Variants in SON observed in about 807,000 individuals in gnomAD.
The protein encoded by SON is SON DNA and RNA binding protein.
SON carries 4 observed loss-of-function variants against 173.3 expected under a neutral mutation model. That is an observed-to-expected ratio of 0.02 (90% CI 0.01 to 0.05). The LOEUF (loss-of-function observed/expected upper bound fraction) is 0.05. Among genes scored for constraint, SON ranks in the 10% least tolerant of loss-of-function variants. The pLI is 1.00. For missense variants in SON, 2,626 were observed against 3,055.3 expected (o/e 0.86, Z 3.31); for synonymous variants, 1,190 against 1,105.9 (o/e 1.08, Z -1.51).
chr21:33,571,365 C>G (rs913303206), intron 8 of SON, among the ~76,000 whole-genome samples: 3 of 152,164 alleles, frequency 2.0e-5, no homozygotes, highest in Non-Finnish European at 4.4e-5. Context: ...GAAAACCTGT[C>G]AAACGATCAT....
intron 1 of SON, among the ~76,000 whole-genome samples, chr21:33,544,103 G>A (rs560588621): frequency 6.6e-6 from 1 of 152,202 alleles, no homozygotes; most frequent in Admixed American, 6.5e-5. Flanking sequence ...TAAGTGTTCC[G>A]AGTTCAAGTG....
intron 1 of SON, 187 bp downstream of exon 1, chr21:33,543,356 C>T (rs1210845473): frequency 6.5e-6 from 4 of 613,598 alleles, no homozygotes; most frequent in African/African-American, 1.9e-5. Flanking sequence ...CCTTTTCCCT[C>T]GAGGAACTTC....
intron 3 of SON, among the ~76,000 whole-genome samples, chr21:33,556,238 G>A (rs2085963752): frequency 6.6e-6 from 1 of 152,176 alleles, no homozygotes; most frequent in Non-Finnish European, 1.5e-5. Context: ...AATTCCTCAA[G>A]TGATTGCAAG....
rs757738565 is a variant in SON, at chr21:33,553,797, C to T, written c.4566C>T (p.Asp1522=). 5 of 1,613,860 alleles carry T rather than the reference C, an allele frequency of 3.1e-6. No homozygotes were observed. Among genetic ancestry groups the T allele is most frequent in the African/African-American group, 2.7e-5 (2 of 74,904 alleles). The change falls in exon 3 of 12, where the codon GAC becomes GAT. Residue 1522 remains aspartate, a synonymous_variant. Coordinates refer to ENST00000356577, the MANE Select transcript of SON (RefSeq NM_138927.4). ...ATGCTGAGGAACACCTGAAAGGTGA[C>T]TTTTACGAAAGTGAACATGGTATAA... ...EPHAEEHLKG[D]FYESEHGINI... is the part of the protein sequence containing the mutation.
chr21:33,546,170 TATG>T (rs761693573), intron 1 of SON, 40 bp from the exon 2 acceptor site: 5 of 1,504,626 alleles, frequency 3.3e-6, no homozygotes, highest in Non-Finnish European at 2.7e-6. Flanking sequence ...TTATTAATGG[TATG>T]ATAAAATATT....
In SON at chr21:33,577,102, G is replaced by A. The variant is rs2086418836; in HGVS notation, c.*678G>A. 6.4e-6 allele frequency: 1 copy of A among 155,084 alleles called. No individual in the cohort carries two copies. The highest frequency in any genetic ancestry group is 6.3e-5 in the Admixed American group (1 of 15,956). The allele number at this position is 155,084 out of a possible 1,614,324, so 9.6% of individuals were successfully genotyped here. A position where few individuals can be genotyped will look rare whatever the true frequency, so the allele number is the denominator to read the frequency against. On this transcript the variant is annotated 3_prime_UTR_variant, in exon 12 of 12. Coordinates refer to ENST00000356577, the MANE Select transcript of SON (RefSeq NM_138927.4). ...AAAGTGGTATGTTGTGTGATGATCAGCACTAAGTCCTGCATTCCTGTTAAA... is the reference window on the plus strand; with the variant it reads ...AAAGTGGTATGTTGTGTGATGATCAACACTAAGTCCTGCATTCCTGTTAAA...
chr21:33,556,711 C>CAAAAA (rs375685900), intron 3 of SON, among the ~76,000 whole-genome samples: 2 of 102,654 alleles, frequency 1.9e-5, no homozygotes, highest in South Asian at 3.1e-4. Flanking sequence ...GAGACTGTCT[C>CAAAAA]AAAAAAAAAA....
At chr21:33,543,713 G>A (rs925984756) in intron 1 of SON, among the ~76,000 whole-genome samples, 6 of 152,206 alleles carry the variant, frequency 3.9e-5, no homozygotes, top group Admixed American at 3.9e-4. Context: ...TCTGTCAGCC[G>A]TTCTGATAGT....
At chr21:33,560,518 T>C in intron 6 of SON, 1 of 998,080 alleles carries the variant, frequency 1.0e-6, no homozygotes, top group Non-Finnish European at 1.2e-6. Context: ...AAATGCCGCC[T>C]GATTAAATAA....
Position 33,552,971 on chromosome 21 carries a change from C to CT in SON, c.3741dup (p.Val1248CysfsTer27), listed in dbSNP as rs764750011. The CT allele has an allele frequency of 6.6e-5, 107 of 1,613,750 alleles. No homozygotes were observed. Among genetic ancestry groups the CT allele is most frequent in the Non-Finnish European group, 8.7e-5 (103 of 1,179,580 alleles). On this transcript the variant is annotated frameshift_variant, in exon 3 of 12. Transcript: ENST00000356577. LOFTEE classifies it high-confidence loss of function. This position sits in a 1 kb window ranked among gnomAD's most constrained non-coding sequence, Gnocchi z 5.6. The stretch of plus-strand genomic sequence containing the variant: ...GTTTTAGTATCAGAGGCTGCTGTGA[C>CT]TGTTCCAGAACCACCACCAGAGCCA...
Position 33,553,439 on chromosome 21 carries a change from T to C in SON, c.4208T>C (p.Val1403Ala). Residue 1403 changes from valine to alanine, a missense_variant, in exon 3 of 12, where the codon GTT (valine) becomes GCT (alanine). Val to Ala is a moderately conservative substitution (Grantham distance 64). Coordinates refer to ENST00000356577, the MANE Select transcript of SON (RefSeq NM_138927.4). Reference sequence around the variant, plus strand: ...CCTGTTGTGGCTGAGCCAGACTATGTTACCATTCCTGTGCCAGTTGTTTCT... The same window carrying C: ...CCTGTTGTGGCTGAGCCAGACTATGCTACCATTCCTGTGCCAGTTGTTTCT... Reference protein sequence around the residue: ...EPPVVAEPDYVTIPVPVVSAL... With the variant: ...EPPVVAEPDYATIPVPVVSAL... 1 of 1,614,240 alleles carries C rather than the reference T, an allele frequency of 6.2e-7. No individual in the cohort carries two copies. The highest frequency in any genetic ancestry group is 8.5e-7 in the Non-Finnish European group (1 of 1,180,028).
At chr21:33,567,432 C>A in intron 7 of SON, 165 bp downstream of exon 7, 1 of 595,684 alleles carries the variant, frequency 1.7e-6, no homozygotes, top group Non-Finnish European at 3.1e-6. Flanking sequence ...GATTCGAGGC[C>A]TGATCATTTA....
chr21:33,549,222 G>A (rs909544249), intron 2 of SON, among the ~76,000 whole-genome samples: 11 of 152,046 alleles, frequency 7.2e-5, no homozygotes, highest in Admixed American at 3.9e-4. Flanking sequence ...CTACAGGTGC[G>A]CGTCACCATG....
intron 6 of SON, among the ~76,000 whole-genome samples, chr21:33,566,157 T>C (rs1206930924): frequency 6.6e-6 from 1 of 152,160 alleles, no homozygotes; most frequent in East Asian, 1.9e-4. Context: ...ATTCTTTGTA[T>C]ATGAAAACAG....
At position 33,552,880 on chromosome 21, in the gene SON, C is replaced by G. The variant is rs762806374; in HGVS notation, c.3649C>G (p.Gln1217Glu). 3.1e-6 allele frequency: 5 copies of G among 1,613,438 alleles called. No homozygotes were observed. Among genetic ancestry groups the G allele is most frequent in the South Asian group, 2.2e-5 (2 of 91,052 alleles). The change falls in exon 3 of 12, where the codon CAA (glutamine) becomes GAA (glutamate). Residue 1217 changes from glutamine to glutamate, a missense_variant. Transcript: ENST00000356577. The surrounding 1 kb of genome is among the most constrained non-coding windows in gnomAD (Gnocchi z 5.6). ...SVSQPEPPVSQSEISEPSAVP... is the reference protein window; with the variant it reads ...SVSQPEPPVSESEISEPSAVP... Reference sequence around the variant, plus strand: ...ATCGCAGCCTGAGCCTCCTGTGAGTCAAAGTGAGATTTCGGAGCCTTCAGC... The same window carrying G: ...ATCGCAGCCTGAGCCTCCTGTGAGTGAAAGTGAGATTTCGGAGCCTTCAGC...
intron 6 of SON, among the ~76,000 whole-genome samples, chr21:33,562,023 GAATCC>G (rs747241296): frequency 7.2e-5 from 11 of 152,164 alleles, no homozygotes; most frequent in Non-Finnish European, 1.3e-4. Context: ...CTAAAGAAGA[GAATCC>G]CAAAATACAA....
rs1452570324 is a variant in SON, at chr21:33,552,322, C to T, written c.3091C>T (p.Arg1031Cys). ...GTCTATGATGTCCCCTATGGCTGAA[C>T]GCTCTATGATGTCAGCCTACGAGCG... The part of the protein sequence containing the change: ...ERSMMSPMAE[R>C]SMMSAYERSM... Residue 1031 changes from arginine (R) to cysteine (C), a missense_variant, in exon 3 of 12, where the codon CGC becomes TGC. Coordinates refer to ENST00000356577, the MANE Select transcript of SON (RefSeq NM_138927.4). The surrounding 1 kb of genome is among the most constrained non-coding windows in gnomAD (Gnocchi z 5.6). The T allele has an allele frequency of 4.3e-6, 7 of 1,613,316 alleles. No homozygotes were observed. The highest frequency in any genetic ancestry group is 4.5e-5 in the East Asian group (2 of 44,864).
chr21:33,551,708 TAGC>T lies in SON; in HGVS notation c.2479_2481del (p.Ala827del). The T allele has an allele frequency of 6.2e-7, 1 of 1,612,548 alleles. No homozygotes were observed. The highest frequency in any genetic ancestry group is 8.5e-7 in the Non-Finnish European group (1 of 1,180,004). On this transcript the variant is annotated inframe_deletion, in exon 3 of 12. Coordinates refer to ENST00000356577, the MANE Select transcript of SON (RefSeq NM_138927.4). ...ACCAGCTCCATGGACTCCCAGATGTTAGCAACCAGCTCCATGGACTCCCAGATG... is the reference window on the plus strand; with the variant it reads ...ACCAGCTCCATGGACTCCCAGATGTTAACCAGCTCCATGGACTCCCAGATG...
intron 1 of SON, among the ~76,000 whole-genome samples, chr21:33,544,136 T>G (rs1054828120): frequency 6.6e-6 from 1 of 152,254 alleles, no homozygotes; most frequent in African/African-American, 2.4e-5. Context: ...TTTTAAAAGT[T>G]GAGAGCAAGA....
Sources: allele counts gnomAD v4.1 joint callset (sites outside exome capture counted in the v4.1 genomes callset), GRCh38; gene constraint gnomAD v4.1.1; non-coding constraint Gnocchi (gnomAD v3.1); transcripts MANE v1.5; gene names NCBI Gene and HGNC (gene_info 2026-07-23, HGNC 2026-07-21).